The following ESCO2 variants were observed in gnomAD, a reference collection of about 807,000 sequenced individuals.
The protein encoded by ESCO2 is establishment of sister chromatid cohesion N-acetyltransferase 2.
Under a neutral mutation model 61.7 loss-of-function variants are expected in ESCO2, and 51 were observed. That is an observed-to-expected ratio of 0.83 (90% CI 0.66 to 1.04). The LOEUF (loss-of-function observed/expected upper bound fraction) is 1.04, where lower values mean the gene tolerates loss of function less well. Among genes scored for constraint, ESCO2 ranks in the 50% least tolerant of loss-of-function variants. The probability of loss-of-function intolerance (pLI) is 0.00; values close to 1 mark genes in which losing one functional copy is unlikely to be tolerated. For missense variants in ESCO2, 692 were observed against 686.2 expected, an observed-to-expected ratio of 1.01 and a Z score of -0.09; for synonymous variants, 230 against 238.2, an observed-to-expected ratio of 0.97 and a Z score of 0.32.
In ESCO2 at chr8:27,792,376, G is replaced by A. The variant is rs115906199; in HGVS notation, c.1354-292G>A. 0.013 allele frequency among the ~76,000 whole-genome samples: 1,986 copies of A among 152,218 alleles called. 43 individuals carry two copies. The highest frequency in any genetic ancestry group is 0.045 in the African/African-American group (1,866 of 41,532). Reference sequence around the variant, plus strand: ...CTGAGGTTGAATGTTTAGCCACCGTGAATAATGAATAAAGCTAAAACAAAT... The same window carrying A: ...CTGAGGTTGAATGTTTAGCCACCGTAAATAATGAATAAAGCTAAAACAAAT... On this transcript the variant is annotated intron_variant, in intron 8 of 10. Transcript: ENST00000305188.
downstream of ESCO2, chr8:27,810,379 C>T: frequency 6.2e-7 from 1 of 1,611,304 alleles, no homozygotes; most frequent in Non-Finnish European, 8.5e-7. Context: ...TTAGTGCATA[C>T]AGAGAAGAGT....
intron 4 of ESCO2, 104 bp from the exon 5 acceptor site, chr8:27,783,896 C>T: frequency 1.9e-6 from 2 of 1,077,260 alleles, no homozygotes; most frequent in East Asian, 4.8e-5. Context: ...TTTGTTAAAT[C>T]TTGATCTTGA....
chr8:27,817,767 C>T, the ESCO2 span, among the ~76,000 whole-genome samples: 10 of 152,076 alleles, frequency 6.6e-5, no homozygotes, highest in Non-Finnish European at 1.5e-4. Context: ...TCCAAACTGT[C>T]ACCTGAAAGG....
At chr8:27,781,173 G>T (rs1804919808) in intron 4 of ESCO2, among the ~76,000 whole-genome samples, 1 of 152,096 alleles carries the variant, frequency 6.6e-6, no homozygotes, top group South Asian at 2.1e-4. Context: ...AATAACTACA[G>T]TTTATCATTT....
chr8:27,788,805 G>A (rs1442310281), intron 6 of ESCO2, 42 bp from the exon 7 acceptor site: 2 of 1,612,412 alleles, frequency 1.2e-6, no homozygotes, highest in Admixed American at 3.3e-5. Flanking sequence ...AGCTATTTGT[G>A]CTATATTTAA....
At chr8:27,791,047 G>A (rs933769870) in intron 7 of ESCO2, among the ~76,000 whole-genome samples, 5 of 151,826 alleles carry the variant, frequency 3.3e-5, no homozygotes, top group Admixed American at 6.6e-5. Flanking sequence ...AAACCTATTC[G>A]AATTTTTATT....
intron 7 of ESCO2, among the ~76,000 whole-genome samples, chr8:27,790,266 T>C (rs980783594): frequency 2.6e-5 from 4 of 152,270 alleles, no homozygotes; most frequent in Non-Finnish European, 4.4e-5. Context: ...CCTTTATATA[T>C]TTTGAATATC....
chr8:27,773,767 C>G (rs921412667), upstream of ESCO2: 1 of 152,178 alleles, frequency 6.6e-6, no homozygotes, highest in Admixed American at 6.5e-5. Flanking sequence ...ACATAAAACT[C>G]TAAACTTATT....
chr8:27,804,429 A>G lies in ESCO2; in HGVS notation c.*991A>G, dbSNP rs1473007029. 6 of 985,430 alleles carry G rather than the reference A, an allele frequency of 6.1e-6. No individual in the cohort carries two copies. Among genetic ancestry groups the G allele is most frequent in the East Asian group, 1.1e-4 (1 of 8,812 alleles). The allele number at this position is 985,430 out of a possible 1,614,324, so 61.0% of individuals were successfully genotyped here. The stretch of plus-strand genomic sequence containing the variant: ...CTTACTTGTTCTGAGATACCTGGCA[A>G]AAGTCTTTACAAAATGTATGGTAAT... On this transcript the variant is annotated 3_prime_UTR_variant, in exon 11 of 11. Transcript: ENST00000305188.
the ESCO2 span, among the ~76,000 whole-genome samples, chr8:27,817,682 T>G: frequency 6.6e-6 from 1 of 152,160 alleles, no homozygotes; most frequent in Non-Finnish European, 1.5e-5. Flanking sequence ...CTTTGGACTG[T>G]GTTCTTAAGA....
chr8:27,803,976 A>G lies in ESCO2; in HGVS notation c.*538A>G, dbSNP rs1472702455. The G allele has an allele frequency of 4.1e-6, 4 of 987,222 alleles. No homozygotes were observed. The Admixed American group carries it at 2.4e-4, about 60-fold the overall frequency. The allele number at this position is 987,222 out of a possible 1,614,324, so 61.2% of individuals were successfully genotyped here. ...GGCTGGTCTGAAACTTTTGGGCTCA[A>G]GCGATCCTCCCAAAACGCTGGGATT... is the stretch of plus-strand genomic sequence containing the variant. On this transcript the variant is annotated 3_prime_UTR_variant, in exon 11 of 11. Coordinates refer to ENST00000305188, the MANE Select transcript of ESCO2 (RefSeq NM_001017420.3).
intron 3 of ESCO2, 21 bp downstream of exon 3, chr8:27,777,190 T>C: frequency 1.3e-6 from 2 of 1,590,090 alleles, no homozygotes; most frequent in Non-Finnish European, 1.7e-6. Context: ...ATATATCACT[T>C]TAAAAATGGC....
chr8:27,794,708 G>A (rs934119665), intron 9 of ESCO2, among the ~76,000 whole-genome samples: 4 of 152,026 alleles, frequency 2.6e-5, no homozygotes, highest in Admixed American at 2.6e-4. Flanking sequence ...ACAGTTTCAG[G>A]TCCCTCATTT....
chr8:27,808,389 T>C (rs149134856), downstream of ESCO2: 412 of 259,370 alleles, frequency 1.6e-3, 3 homozygotes, highest in African/African-American at 9.0e-3. Context: ...ATTAATTCAG[T>C]GTAAAGGTAG....
At chr8:27,816,569 G>T (rs1334746218), downstream of ESCO2, among the ~76,000 whole-genome samples, 1 of 151,376 alleles carries the variant, frequency 6.6e-6, no homozygotes, top group Non-Finnish European at 1.5e-5. Flanking sequence ...GTAGAGACGG[G>T]GTTTCACTGT....
At chr8:27,775,126 G>C (rs1804758393) in intron 1 of ESCO2, among the ~76,000 whole-genome samples, 1 of 152,194 alleles carries the variant, frequency 6.6e-6, no homozygotes, top group Admixed American at 6.5e-5. Context: ...GACTTCAAGA[G>C]ATTTTTATAA....
At chr8:27,786,246 T>C (rs1219619569) in intron 5 of ESCO2, among the ~76,000 whole-genome samples, 2 of 152,204 alleles carry the variant, frequency 1.3e-5, no homozygotes, top group Non-Finnish European at 2.9e-5. Flanking sequence ...AGGATCTTTT[T>C]AAAGAAGGGG....
downstream of ESCO2, among the ~76,000 whole-genome samples, chr8:27,813,022 T>TTTA (rs1368734091): frequency 1.3e-5 from 2 of 152,154 alleles, no homozygotes. Flanking sequence ...CATGTACACG[T>TTTA]TTATGTTTAT....
At chr8:27,772,531 A>G, upstream of ESCO2, 1 of 1,549,960 alleles carries the variant, frequency 6.5e-7, no homozygotes, top group African/African-American at 1.4e-5. Flanking sequence ...CTGGTGAAGT[A>G]GAACACCATG....
Sources: gnomAD v4.1 joint callset for allele counts (sites outside exome capture counted in the v4.1 genomes callset) on GRCh38, gnomAD v4.1.1 for gene constraint, MANE v1.5 for transcripts, NCBI Gene and HGNC (gene_info 2026-07-23, HGNC 2026-07-21) for gene names.